PANK1: variants seen among roughly 807,000 people sequenced by gnomAD.
PANK1 encodes the protein pantothenic acid kinase 1.
PANK1 carries 18 observed loss-of-function variants against 40.1 expected under a neutral mutation model. The observed-to-expected ratio is 0.45, with a 90% CI of 0.31 to 0.67. The LOEUF is 0.67. Ranked by LOEUF, PANK1 falls within the 30% of genes least tolerant of loss-of-function variation. PANK1 has a pLI of 0.06. For synonymous variants in PANK1, 242 were observed against 237.7 expected, an observed-to-expected ratio of 1.02 and a Z score of -0.17; for missense variants, 457 against 599.6, an observed-to-expected ratio of 0.76 and a Z score of 2.48.
At position 89,599,478 on chromosome 10, in the gene PANK1, C is replaced by A; in HGVS notation, c.673G>T (p.Asp225Tyr). The change falls in exon 3 of 7, where the codon GAT (aspartate) becomes TAT (tyrosine). Residue 225 changes from aspartate to tyrosine, a missense_variant. Coordinates refer to ENST00000307534, the MANE Select transcript of PANK1 (RefSeq NM_148977.3). ...MIADLQLHKLDELDCLIQGLL... is the reference protein window; with the variant it reads ...MIADLQLHKLYELDCLIQGLL... ...CCCTGAATCAGACAGTCCAGTTCAT[C>A]CAGTTTATGCAGCTGCAGGTCAGCA... The A allele has an allele frequency of 3.1e-6, 5 of 1,613,612 alleles. No individual in the cohort carries two copies. Among genetic ancestry groups the A allele is most frequent in the Non-Finnish European group, 4.2e-6 (5 of 1,179,678 alleles).
intron 1 of PANK1, chr10:89,643,575 A>T (rs985331430): frequency 1.2e-5 from 8 of 694,440 alleles, no homozygotes; most frequent in Non-Finnish European, 2.0e-5. Context: ...GGAAAAGTGA[A>T]GGTGTTATTT....
chr10:89,595,830 AAAAATATATATATATAT>A (rs1175980201), intron 3 of PANK1, among the ~76,000 whole-genome samples: 11 of 66,576 alleles, frequency 1.7e-4, no homozygotes, highest in Non-Finnish European at 2.6e-4. Context: ...AAAAAAAAAA[AAAAATATATATATATAT>A]ATATATATAT....
chr10:89,638,255 TC>T (rs1353066965), intron 1 of PANK1, among the ~76,000 whole-genome samples: 2 of 152,254 alleles, frequency 1.3e-5, no homozygotes, highest in African/African-American at 4.8e-5. Context: ...ATGTGCTCCT[TC>T]CTTGGTGAAA....
Position 89,584,536 on chromosome 10 carries a change from A to T in PANK1, c.1327-71T>A, listed in dbSNP as rs891236349. 35 of 960,944 alleles carry T rather than the reference A, an allele frequency of 3.6e-5. No individual in the cohort carries two copies. The African/African-American group carries it at 4.0e-4, about 11-fold the overall frequency. The allele number at this position is 960,944 out of a possible 1,614,324, so 59.5% of individuals were successfully genotyped here. On this transcript the variant is annotated intron_variant, in intron 6 of 6. Coordinates refer to ENST00000307534, the MANE Select transcript of PANK1 (RefSeq NM_148977.3). Reference sequence around the variant, plus strand: ...ATGTATTGTTTTTAATAATTCTAGGAATGCCACTAATATCGATAAAAGAGA... The same window carrying T: ...ATGTATTGTTTTTAATAATTCTAGGTATGCCACTAATATCGATAAAAGAGA...
chr10:89,627,807 C>T (rs144559544), intron 1 of PANK1, among the ~76,000 whole-genome samples: 170 of 152,238 alleles, frequency 1.1e-3, no homozygotes, highest in African/African-American at 3.9e-3. Context: ...TCTGACATTC[C>T]CTAGCCATCA....
chr10:89,612,129 A>C, intron 1 of PANK1, 81 bp from the exon 2 acceptor site: 2 of 1,115,782 alleles, frequency 1.8e-6, no homozygotes, highest in Non-Finnish European at 2.6e-6. Flanking sequence ...AATAAGCAAA[A>C]GCAGTGGTAT....
rs138876603 is a variant in PANK1 at position 89,603,525 on chromosome 10, T to C, written c.646-4020A>G. On this transcript the variant is annotated intron_variant, in intron 2 of 6. Transcript: ENST00000307534. ...GGACTTTAAGCAAGGAAGCTATCAC[T>C]ATTACCTATTTTGCAGATAAAATGC... Among the ~76,000 whole-genome samples the C allele has an allele frequency of 5.3e-3, 807 of 152,318 alleles. 5 individuals carry two copies. Among genetic ancestry groups the C allele is most frequent in the African/African-American group, 0.019 (774 of 41,564 alleles).
chr10:89,628,542 G>A lies in PANK1; in HGVS notation c.292+16058C>T, dbSNP rs551472236. 2.0e-5 allele frequency among the ~76,000 whole-genome samples: 3 copies of A among 152,302 alleles called. No individual in the cohort carries two copies. In the South Asian group the frequency reaches 6.2e-4, roughly 32 times the overall value. On this transcript the variant is annotated intron_variant, in intron 1 of 6. Coordinates refer to ENST00000307534, the MANE Select transcript of PANK1 (RefSeq NM_148977.3). ...TGGGGATTGTGGGGGAAAAAGAGGAGTGACTGCTAATAATTTTCTGGGAGG... is the reference window on the plus strand; with the variant it reads ...TGGGGATTGTGGGGGAAAAAGAGGAATGACTGCTAATAATTTTCTGGGAGG...
chr10:89,595,832 AAATATAT>A (rs1349387289), intron 3 of PANK1, among the ~76,000 whole-genome samples: 97 of 56,538 alleles, frequency 1.7e-3, no homozygotes, highest in African/African-American at 9.5e-3. Flanking sequence ...AAAAAAAAAA[AAATATAT>A]ATATATATAT....
chr10:89,621,444 C>T (rs1056133047), intron 1 of PANK1, among the ~76,000 whole-genome samples: 21 of 152,204 alleles, frequency 1.4e-4, no homozygotes, highest in African/African-American at 5.1e-4. Context: ...ATAATATATT[C>T]ACAGAAACAT....
In PANK1 at chr10:89,587,202, G is replaced by T. The variant is rs949936421; in HGVS notation, c.1326+1450C>A. Among the ~76,000 whole-genome samples, 4 of 152,136 alleles carry T rather than the reference G, an allele frequency of 2.6e-5. 1 individual carries two copies. Among genetic ancestry groups the T allele is most frequent in the Non-Finnish European group, 5.9e-5 (4 of 67,988 alleles). On this transcript the variant is annotated intron_variant, in intron 6 of 6. Transcript: ENST00000307534. The stretch of plus-strand genomic sequence containing the variant: ...TTCCTTTGTAAAGAGGTTCACTAAT[G>T]GTCAGGTACACTGACCTCTCAAGGC...
At position 89,641,225 on chromosome 10, in the gene PANK1, C is replaced by T. The variant is rs577961882; in HGVS notation, c.292+3375G>A. ...GCATCCATACTCTATGCAGATACAA[C>T]CAGAAAATTTTCCTTATTTATCTTT... On this transcript the variant is annotated intron_variant, in intron 1 of 6. Transcript: ENST00000307534. Among the ~76,000 whole-genome samples the T allele has an allele frequency of 2.6e-5, 4 of 152,286 alleles. No individual in the cohort carries two copies. In the South Asian group the frequency reaches 8.3e-4, roughly 32 times the overall value.
chr10:89,619,175 T>C (rs961194709), intron 1 of PANK1, among the ~76,000 whole-genome samples: 2 of 152,362 alleles, frequency 1.3e-5, no homozygotes, highest in African/African-American at 4.8e-5. Context: ...CTGGTAGTAG[T>C]TAAAACTGAA....
Position 89,584,009 on chromosome 10 carries a change from A to T in PANK1, c.*397T>A, listed in dbSNP as rs1844116444. ...CATGAAAAATATAAGTCAAGGTAAA[A>T]TCTCCTAGAGTAATTACTAAATGAA... On this transcript the variant is annotated 3_prime_UTR_variant, in exon 7 of 7. Transcript: ENST00000307534. 1 of 161,984 alleles carries T rather than the reference A, an allele frequency of 6.2e-6. No individual in the cohort carries two copies. The highest frequency in any genetic ancestry group is 1.3e-5 in the Non-Finnish European group (1 of 74,546). The allele number at this position is 161,984 out of a possible 1,614,324, so 10.0% of individuals were successfully genotyped here.
intron 1 of PANK1, among the ~76,000 whole-genome samples, chr10:89,636,340 A>T (rs201270343): frequency 6.8e-4 from 102 of 150,060 alleles, no homozygotes; most frequent in Admixed American, 2.2e-3. Flanking sequence ...TATTATTATT[A>T]TTTTTAATTT....
At chr10:89,624,994 G>C (rs1384089181) in intron 1 of PANK1, among the ~76,000 whole-genome samples, 1 of 152,124 alleles carries the variant, frequency 6.6e-6, no homozygotes, top group Non-Finnish European at 1.5e-5. Flanking sequence ...AACTTCCCAG[G>C]CTCAAGTGAT....
At chr10:89,630,516 G>A (rs1049625383) in intron 1 of PANK1, among the ~76,000 whole-genome samples, 5 of 148,810 alleles carry the variant, frequency 3.4e-5, no homozygotes, top group African/African-American at 9.9e-5. Flanking sequence ...TTTTTGAGAC[G>A]GAGTCTCGCT....
At chr10:89,593,349 C>A in intron 4 of PANK1, 29 bp from the exon 5 acceptor site, 2 of 1,608,618 alleles carry the variant, frequency 1.2e-6, no homozygotes, top group South Asian at 2.2e-5. Flanking sequence ...CGAGAGTGTT[C>A]AAAATCGTCC....
chr10:89,591,024 C>T (rs1431864881), intron 5 of PANK1, among the ~76,000 whole-genome samples: 1 of 151,522 alleles, frequency 6.6e-6, no homozygotes, highest in Non-Finnish European at 1.5e-5. Context: ...GTTCTCTCTC[C>T]TTTACATATG....
Sources: allele counts gnomAD v4.1 joint callset (sites outside exome capture counted in the v4.1 genomes callset), GRCh38; gene constraint gnomAD v4.1.1; transcripts MANE v1.5; gene names NCBI Gene and HGNC (gene_info 2026-07-23, HGNC 2026-07-21).